Variants in CLEC6A observed in about 807,000 individuals in gnomAD.
The protein encoded by CLEC6A is C-type lectin domain family 6 member A.
CLEC6A carries 22 observed loss-of-function variants against 25.7 expected under a neutral mutation model. The observed-to-expected ratio is 0.85, with a 90% CI of 0.61 to 1.22. The LOEUF (loss-of-function observed/expected upper bound fraction) is 1.22. CLEC6A is among the 50% of genes most tolerant of loss of function. The probability of loss-of-function intolerance (pLI) is 0.00; values close to 1 mark genes in which losing one functional copy is unlikely to be tolerated. For synonymous variants in CLEC6A, 92 were observed against 76.7 expected, an observed-to-expected ratio of 1.20 and a Z score of -1.04; for missense variants, 240 against 236.8, an observed-to-expected ratio of 1.01 and a Z score of -0.09.
intron 4 of CLEC6A, among the ~76,000 whole-genome samples, chr12:8,471,231 C>T (rs1405211865): frequency 1.3e-5 from 2 of 151,986 alleles, no homozygotes; most frequent in African/African-American, 2.4e-5. Context: ...ATTCATCAGA[C>T]ACATTAGTCT....
At chr12:8,468,539 A>C (rs1939866784) in intron 4 of CLEC6A, among the ~76,000 whole-genome samples, 1 of 152,172 alleles carries the variant, frequency 6.6e-6, no homozygotes, top group Non-Finnish European at 1.5e-5. Context: ...AGAAGTGATG[A>C]GATTAGGCAT....
chr12:8,474,472 G>T (rs1939944774), intron 4 of CLEC6A, among the ~76,000 whole-genome samples: 1 of 152,164 alleles, frequency 6.6e-6, no homozygotes, highest in African/African-American at 2.4e-5. Flanking sequence ...GGTTACTGTA[G>T]CCTTATAGTA....
chr12:8,461,244 T>G (rs1200630186), intron 3 of CLEC6A: 2 of 678,992 alleles, frequency 2.9e-6, no homozygotes, highest in Non-Finnish European at 5.1e-6. Context: ...ATAAGTAAAG[T>G]TTGTAAAATT....
chr12:8,472,737 G>A (rs979611739), intron 4 of CLEC6A, among the ~76,000 whole-genome samples: 2 of 152,126 alleles, frequency 1.3e-5, no homozygotes, highest in Non-Finnish European at 2.9e-5. Flanking sequence ...AGTGGAACAT[G>A]TACTTTTAAA....
intron 4 of CLEC6A, among the ~76,000 whole-genome samples, chr12:8,470,874 A>C (rs7304489): frequency 0.99 from 150,041 of 152,188 alleles, 74,000 homozygotes; most frequent in East Asian, 1. Flanking sequence ...CAAACACCAT[A>C]TGTTCCCCCA....
At chr12:8,465,435 T>C in intron 3 of CLEC6A, 49 bp from the exon 4 acceptor site, 2 of 1,589,988 alleles carry the variant, frequency 1.3e-6, no homozygotes, top group South Asian at 1.1e-5. Flanking sequence ...ATTAATCTCA[T>C]TTATCTTATC....
intron 4 of CLEC6A, among the ~76,000 whole-genome samples, chr12:8,474,729 T>C (rs751128573): frequency 6.6e-6 from 1 of 152,272 alleles, no homozygotes; most frequent in South Asian, 2.1e-4. Context: ...AAGTTACTTA[T>C]AGGAAAACAA....
At chr12:8,458,411 A>G (rs1939706214) in intron 2 of CLEC6A, among the ~76,000 whole-genome samples, 1 of 152,226 alleles carries the variant, frequency 6.6e-6, no homozygotes, top group African/African-American at 2.4e-5. Flanking sequence ...GTGAGAGGAA[A>G]AAGTATTCAA....
At chr12:8,465,691 T>C in intron 4 of CLEC6A, 62 bp downstream of exon 4, 1 of 1,449,196 alleles carries the variant, frequency 6.9e-7, no homozygotes, top group Non-Finnish European at 9.5e-7. Flanking sequence ...AAATTTACTG[T>C]CATAACCATT....
At chr12:8,476,077 A>T (rs1252897304) in intron 4 of CLEC6A, 48 bp from the exon 5 acceptor site, 1 of 1,247,210 alleles carries the variant, frequency 8.0e-7, no homozygotes, top group Non-Finnish European at 1.2e-6. Context: ...TACTCTGTTC[A>T]ATCTGGAAAT....
chr12:8,469,029 T>C (rs1939871950), intron 4 of CLEC6A, among the ~76,000 whole-genome samples: 1 of 152,160 alleles, frequency 6.6e-6, no homozygotes, highest in Non-Finnish European at 1.5e-5. Context: ...TGGTTATACC[T>C]AGAAAACCCT....
intron 3 of CLEC6A, chr12:8,461,221 C>A: frequency 1.3e-6 from 1 of 788,804 alleles, no homozygotes; most frequent in Non-Finnish European, 2.1e-6. Flanking sequence ...CCAGCTCCAC[C>A]GTTACCGCTA....
intron 5 of CLEC6A, 98 bp from the exon 6 acceptor site, chr12:8,477,222 T>C (rs747325997): frequency 1.1e-6 from 1 of 914,628 alleles, no homozygotes; most frequent in East Asian, 2.6e-5. Context: ...ATGTTCTCTC[T>C]TCCTAAATCC....
chr12:8,468,860 C>A (rs1435646381), intron 4 of CLEC6A, among the ~76,000 whole-genome samples: 1 of 152,024 alleles, frequency 6.6e-6, no homozygotes, highest in Non-Finnish European at 1.5e-5. Context: ...TAAAATCATT[C>A]CCCCTGAGAA....
intron 4 of CLEC6A, 78 bp downstream of exon 4, chr12:8,465,707 G>T: frequency 2.3e-6 from 3 of 1,306,386 alleles, no homozygotes; most frequent in Non-Finnish European, 2.1e-6. Context: ...CCATTTTTCA[G>T]TGTACTGTTC....
At chr12:8,460,364 C>T (rs1385606953) in intron 3 of CLEC6A, among the ~76,000 whole-genome samples, 1 of 152,144 alleles carries the variant, frequency 6.6e-6, no homozygotes, top group Non-Finnish European at 1.5e-5. Flanking sequence ...GAATGAGAGC[C>T]AAGTGAGATG....
chr12:8,463,810 A>T (rs1181829511), intron 3 of CLEC6A, among the ~76,000 whole-genome samples: 4 of 152,250 alleles, frequency 2.6e-5, no homozygotes, highest in Non-Finnish European at 5.9e-5. Context: ...TCAGCTCATT[A>T]TTCTCAGCAT....
chr12:8,460,506 G>A, intron 3 of CLEC6A: 1 of 623,722 alleles, frequency 1.6e-6, no homozygotes, highest in Admixed American at 2.8e-5. Context: ...AATTATGGGA[G>A]TACAATTCAA....
At chr12:8,465,732 T>C (rs1939821250) in intron 4 of CLEC6A, 103 bp downstream of exon 4, 1 of 926,662 alleles carries the variant, frequency 1.1e-6, no homozygotes, top group African/African-American at 1.7e-5. Context: ...GCATTTACTA[T>C]TTTCACATTA....
Sources: gnomAD v4.1 joint callset for allele counts (sites outside exome capture counted in the v4.1 genomes callset) on GRCh38, gnomAD v4.1.1 for gene constraint, MANE v1.5 for transcripts, NCBI Gene and HGNC (gene_info 2026-07-23, HGNC 2026-07-21) for gene names.